The following ARF6 variants were observed in gnomAD, a reference collection of about 807,000 sequenced individuals.
ARF6 encodes ARF GTPase 6.
For synonymous variants in ARF6, 127 were observed against 95.5 expected, an observed-to-expected ratio of 1.33 and a Z score of -1.92; for missense variants, 75 against 232.0, an observed-to-expected ratio of 0.32 and a Z score of 4.40.
Position 49,895,636 on chromosome 14 carries a change from C to A in ARF6, c.*1372C>A, listed in dbSNP as rs775615301. 1 of 166,752 alleles carries A rather than the reference C, an allele frequency of 6.0e-6. No individual in the cohort carries two copies. The highest frequency in any genetic ancestry group is 2.4e-5 in the African/African-American group (1 of 41,318). 10.3% of individuals were successfully genotyped at this position (166,752 alleles called of 1,614,324 possible). A position where few individuals can be genotyped will look rare whatever the true frequency, so the allele number is the denominator to read the frequency against. On this transcript the variant is annotated 3_prime_UTR_variant, in exon 2 of 2. Coordinates refer to ENST00000298316, the MANE Select transcript of ARF6 (RefSeq NM_001663.4). Reference sequence around the variant, plus strand: ...CTTGAGGGATGACTATTAAAGGGGACGTAGGATGAAGAGAAAGAACCTACA... The same window carrying A: ...CTTGAGGGATGACTATTAAAGGGGAAGTAGGATGAAGAGAAAGAACCTACA...
rs531794083 is a variant in ARF6, at chr14:49,894,332, A to T, written c.*68A>T. ...ACCCATTCATAGGATTATCGCCACC[A>T]TCACCTCTTTCAATTGCCACTTTCT... On this transcript the variant is annotated 3_prime_UTR_variant, in exon 2 of 2. Coordinates refer to ENST00000298316, the MANE Select transcript of ARF6 (RefSeq NM_001663.4). The T allele has an allele frequency of 9.1e-6, 13 of 1,430,766 alleles. No individual in the cohort carries two copies. The South Asian group carries it at 1.5e-4, about 17-fold the overall frequency. The allele number at this position is 1,430,766 out of a possible 1,614,324, so 88.6% of individuals were successfully genotyped here.
In ARF6 at chr14:49,894,207, C is replaced by G. The variant is rs138905564; in HGVS notation, c.471C>G (p.Thr157=). Residue 157 remains threonine (T), a synonymous_variant, in exon 2 of 2, where the codon ACC becomes ACG. Transcript: ENST00000298316. ...RNWYVQPSCA[T]SGDGLYEGLT... is the part of the protein sequence containing the mutation. ...GGTATGTGCAGCCCTCCTGTGCCAC[C>G]TCAGGGGACGGACTCTATGAGGGGC... is the stretch of plus-strand genomic sequence containing the variant. 1.7e-5 allele frequency: 27 copies of G among 1,614,050 alleles called. 1 individual carries two copies. In the South Asian group the frequency reaches 2.7e-4, roughly 16 times the overall value.
At position 49,893,496 on chromosome 14, in the gene ARF6, C is replaced by T. The variant is rs1206243011; in HGVS notation, c.-241C>T. On this transcript the variant is annotated 5_prime_UTR_variant, in exon 2 of 2. Transcript: ENST00000298316. ...GGGCCGCGCCTCAGCAGGGCGGCGG[C>T]TCCCAGCGCAGTCTCAGGGCCCGGG... The T allele has an allele frequency of 1.9e-5, 9 of 485,206 alleles. No homozygotes were observed. Among genetic ancestry groups the T allele is most frequent in the South Asian group, 2.9e-5 (1 of 34,600 alleles). The allele number at this position is 485,206 out of a possible 1,614,324, so 30.1% of individuals were successfully genotyped here.
Position 49,893,892 on chromosome 14 carries a change from G to A in ARF6, c.156G>A (p.Val52=). 6.2e-7 allele frequency: 1 copy of A among 1,614,224 alleles called. No homozygotes were observed. The highest frequency in any genetic ancestry group is 8.5e-7 in the Non-Finnish European group (1 of 1,180,044). ...IPTVGFNVET[V]TYKNVKFNVW... ...CTGTGGGTTTCAACGTGGAGACGGTGACTTACAAAAATGTCAAGTTCAACG... is the reference window on the plus strand; with the variant it reads ...CTGTGGGTTTCAACGTGGAGACGGTAACTTACAAAAATGTCAAGTTCAACG... Residue 52 remains valine, a synonymous_variant, in exon 2 of 2, where the codon GTG becomes GTA. Coordinates refer to ENST00000298316, the MANE Select transcript of ARF6 (RefSeq NM_001663.4).
chr14:49,894,231 G>T lies in ARF6; in HGVS notation c.495G>T (p.Gly165=). 1 of 1,613,512 alleles carries T rather than the reference G, an allele frequency of 6.2e-7. No individual in the cohort carries two copies. The highest frequency in any genetic ancestry group is 8.5e-7 in the Non-Finnish European group (1 of 1,179,656). ...CATSGDGLYE[G]LTWLTSNYKS ...CCTCAGGGGACGGACTCTATGAGGG[G>T]CTCACATGGTTAACCTCTAACTACA... Residue 165 remains glycine, a synonymous_variant, in exon 2 of 2, where the codon GGG becomes GGT. Coordinates refer to ENST00000298316, the MANE Select transcript of ARF6 (RefSeq NM_001663.4).
chr14:49,893,754 C>T lies in ARF6; in HGVS notation c.18C>T (p.Ser6=). 1.2e-6 allele frequency: 2 copies of T among 1,613,912 alleles called. No homozygotes were observed. Among genetic ancestry groups the T allele is most frequent in the Non-Finnish European group, 1.7e-6 (2 of 1,179,772 alleles). ...CCGACGCGATGGGGAAGGTGCTATC[C>T]AAAATCTTCGGGAACAAGGAAATGC... MGKVL[S]KIFGNKEMRI... is the part of the protein sequence containing the mutation. Residue 6 remains serine (S), a synonymous_variant, in exon 2 of 2, where the codon TCC becomes TCT. Coordinates refer to ENST00000298316, the MANE Select transcript of ARF6 (RefSeq NM_001663.4).
rs1204839257 is a variant in ARF6, at chr14:49,896,828, T to A, written c.*2564T>A. 4.2e-5 allele frequency: 7 copies of A among 167,090 alleles called. No individual in the cohort carries two copies. The highest frequency in any genetic ancestry group is 8.8e-5 in the Non-Finnish European group (6 of 68,092). 10.4% of individuals were successfully genotyped at this position (167,090 alleles called of 1,614,324 possible). A position where few individuals can be genotyped will look rare whatever the true frequency, so the allele number is the denominator to read the frequency against. On this transcript the variant is annotated 3_prime_UTR_variant, in exon 2 of 2. Coordinates refer to ENST00000298316, the MANE Select transcript of ARF6 (RefSeq NM_001663.4). ...TGCAGAAAAAATTATCTAAGAATTT[T>A]AAAAATAAGATCCTGAAGTTGTTTA...
Position 49,893,726 on chromosome 14 carries a change from C to T in ARF6, c.-11C>T, listed in dbSNP as rs368010518. 9.4e-5 allele frequency: 151 copies of T among 1,606,842 alleles called. 1 individual carries two copies. The African/African-American group carries it at 1.3e-3, about 13-fold the overall frequency. ...CACCTGAATGCCCCCGGCCCCGGCT[C>T]CTCCGACGCGATGGGGAAGGTGCTA... is the stretch of plus-strand genomic sequence containing the variant. On this transcript the variant is annotated 5_prime_UTR_variant, in exon 2 of 2. Transcript: ENST00000298316.
chr14:49,893,686 T>A lies in ARF6; in HGVS notation c.-51T>A, dbSNP rs1894480999. ...TCGCGGCGGCGGCGGCGTTGTTGGC[T>A]GAGGGGACCCGGGACACCTGAATGC... On this transcript the variant is annotated 5_prime_UTR_variant, in exon 2 of 2. Transcript: ENST00000298316. The A allele has an allele frequency of 6.3e-7, 1 of 1,579,938 alleles. No homozygotes were observed.
At position 49,893,525 on chromosome 14, in the gene ARF6, C is replaced by A; in HGVS notation, c.-212C>A. 1.7e-6 allele frequency: 1 copy of A among 587,208 alleles called. No homozygotes were observed. The highest frequency in any genetic ancestry group is 2.2e-5 in the South Asian group (1 of 44,950). 36.4% of individuals were successfully genotyped at this position (587,208 alleles called of 1,614,324 possible). On this transcript the variant is annotated 5_prime_UTR_variant, in exon 2 of 2. Transcript: ENST00000298316. ...CAGCGCAGTCTCAGGGCCCGGGTGG[C>A]GGCGGCGACTGGAGAAATCAAGTTG...
Position 49,896,113 on chromosome 14 carries a change from C to CT in ARF6, c.*1851dup, listed in dbSNP as rs556070544. The CT allele has an allele frequency of 5.1e-4, 84 of 164,632 alleles. No homozygotes were observed. Among genetic ancestry groups the CT allele is most frequent in the Non-Finnish European group, 9.6e-4 (65 of 68,052 alleles). The allele number at this position is 164,632 out of a possible 1,614,324, so 10.2% of individuals were successfully genotyped here. The stretch of plus-strand genomic sequence containing the variant: ...AAAATGAACTATTCAAAGTAAAACT[C>CT]TTAACAAACATTTTACTTAAAGCAG... On this transcript the variant is annotated 3_prime_UTR_variant, in exon 2 of 2. Coordinates refer to ENST00000298316, the MANE Select transcript of ARF6 (RefSeq NM_001663.4).
rs1366187682 is a variant in ARF6 at position 49,894,841 on chromosome 14, A to G, written c.*577A>G. ...TATGAGTTCTAACTTAGTAATTTCA[A>G]ATGTGACCTTTTATATCTAAGACCA... On this transcript the variant is annotated 3_prime_UTR_variant, in exon 2 of 2. Transcript: ENST00000298316. The G allele has an allele frequency of 1.2e-5, 2 of 167,128 alleles. No individual in the cohort carries two copies. The highest frequency in any genetic ancestry group is 2.9e-5 in the Non-Finnish European group (2 of 68,228). The allele number at this position is 167,128 out of a possible 1,614,324, so 10.4% of individuals were successfully genotyped here.
Position 49,894,446 on chromosome 14 carries a change from C to A in ARF6, c.*182C>A. On this transcript the variant is annotated 3_prime_UTR_variant, in exon 2 of 2. Coordinates refer to ENST00000298316, the MANE Select transcript of ARF6 (RefSeq NM_001663.4). ...TTTTCTCTTTTGTTTGTTTCCCTTT[C>A]TTTTTCCTTTTTTTTTTTTTTTTTT... 189 of 401,652 alleles carry A rather than the reference C, an allele frequency of 4.7e-4. No individual in the cohort carries two copies. The highest frequency in any genetic ancestry group is 6.9e-4 in the Non-Finnish European group (163 of 237,786). The allele number at this position is 401,652 out of a possible 1,614,324, so 24.9% of individuals were successfully genotyped here.
chr14:49,895,615 A>T lies in ARF6; in HGVS notation c.*1351A>T, dbSNP rs1211824570. 6.0e-6 allele frequency: 1 copy of T among 167,046 alleles called. No individual in the cohort carries two copies. Among genetic ancestry groups the T allele is most frequent in the African/African-American group, 2.4e-5 (1 of 41,432 alleles). The allele number at this position is 167,046 out of a possible 1,614,324, so 10.3% of individuals were successfully genotyped here. A position where few individuals can be genotyped will look rare whatever the true frequency, so the allele number is the denominator to read the frequency against. On this transcript the variant is annotated 3_prime_UTR_variant, in exon 2 of 2. Transcript: ENST00000298316. Reference sequence around the variant, plus strand: ...GATGAATGAATGATGTGTAGACTTGAGGGATGACTATTAAAGGGGACGTAG... The same window carrying T: ...GATGAATGAATGATGTGTAGACTTGTGGGATGACTATTAAAGGGGACGTAG...
In ARF6 at chr14:49,893,713, C is replaced by T. The variant is rs1894481715; in HGVS notation, c.-24C>T. On this transcript the variant is annotated 5_prime_UTR_variant, in exon 2 of 2. Coordinates refer to ENST00000298316, the MANE Select transcript of ARF6 (RefSeq NM_001663.4). ...AGGGGACCCGGGACACCTGAATGCC[C>T]CCGGCCCCGGCTCCTCCGACGCGAT... 1.2e-6 allele frequency: 2 copies of T among 1,602,628 alleles called. No homozygotes were observed. The highest frequency in any genetic ancestry group is 1.7e-6 in the Non-Finnish European group (2 of 1,171,262).
chr14:49,894,370 T>G lies in ARF6; in HGVS notation c.*106T>G. The G allele has an allele frequency of 8.1e-7, 1 of 1,233,358 alleles. No homozygotes were observed. Among genetic ancestry groups the G allele is most frequent in the Non-Finnish European group, 1.1e-6 (1 of 898,164 alleles). The allele number at this position is 1,233,358 out of a possible 1,614,324, so 76.4% of individuals were successfully genotyped here. On this transcript the variant is annotated 3_prime_UTR_variant, in exon 2 of 2. Transcript: ENST00000298316. Reference sequence around the variant, plus strand: ...ATTGCCACTTTCTCTTCTTTTGAATTTGAACTCTGGAGTTACTGTTCTACA... The same window carrying G: ...ATTGCCACTTTCTCTTCTTTTGAATGTGAACTCTGGAGTTACTGTTCTACA...
Position 49,893,846 on chromosome 14 carries a change from A to T in ARF6, c.110A>T (p.Gln37Leu). 3 of 1,614,252 alleles carry T rather than the reference A, an allele frequency of 1.9e-6. 1 individual carries two copies. The South Asian group carries it at 3.3e-5, about 18-fold the overall frequency. ...TTILYKLKLG[Q>L]SVTTIPTVGF... ...ATCCTGTACAAGTTGAAGCTGGGCC[A>T]GTCGGTGACCACCATTCCCACTGTG... Residue 37 changes from glutamine to leucine, a missense_variant, in exon 2 of 2, where the codon CAG (glutamine) becomes CTG (leucine). Gln to Leu is a moderately radical substitution (Grantham distance 113). Coordinates refer to ENST00000298316, the MANE Select transcript of ARF6 (RefSeq NM_001663.4).
chr14:49,893,662 C>CGCG lies in ARF6; in HGVS notation c.-62_-60dup, dbSNP rs1406071378. ...CGGCCGAGAGGCTTCGTTTCGGTTTCGCGGCGGCGGCGGCGTTGTTGGCTG... is the reference window on the plus strand; with the variant it reads ...CGGCCGAGAGGCTTCGTTTCGGTTTCGCGGCGGCGGCGGCGGCGTTGTTGGCTG... On this transcript the variant is annotated 5_prime_UTR_variant, in exon 2 of 2. Coordinates refer to ENST00000298316, the MANE Select transcript of ARF6 (RefSeq NM_001663.4). The CGCG allele has an allele frequency of 1.7e-4, 258 of 1,540,180 alleles. No individual in the cohort carries two copies. The highest frequency in any genetic ancestry group is 2.3e-4 in the East Asian group (10 of 44,260).
At position 49,893,554 on chromosome 14, in the gene ARF6, G is replaced by T; in HGVS notation, c.-183G>T. ...GGCGACTGGAGAAATCAAGTTGTGC[G>T]GTCGGTGATGCCCGAGTGAGCGGGG... On this transcript the variant is annotated 5_prime_UTR_variant, in exon 2 of 2. Coordinates refer to ENST00000298316, the MANE Select transcript of ARF6 (RefSeq NM_001663.4). 1 of 674,852 alleles carries T rather than the reference G, an allele frequency of 1.5e-6. No individual in the cohort carries two copies. Among genetic ancestry groups the T allele is most frequent in the Non-Finnish European group, 2.5e-6 (1 of 406,118 alleles). 41.8% of individuals were successfully genotyped at this position (674,852 alleles called of 1,614,324 possible).
Sources: allele counts gnomAD v4.1 joint callset, GRCh38; gene constraint gnomAD v4.1.1; transcripts MANE v1.5; gene names NCBI Gene and HGNC (gene_info 2026-07-23, HGNC 2026-07-21).